The following FOCAD variants were observed in gnomAD, a reference collection of about 807,000 sequenced individuals.
The protein encoded by FOCAD is KIAA1797.
In FOCAD, 198 loss-of-function variants were observed where a neutral mutation model predicts 225.6. The ratio of observed to expected loss-of-function variants is 0.88; its 90% CI spans 0.78 to 0.99. FOCAD has a LOEUF of 0.99. FOCAD is among the 50% of genes least tolerant of loss of function. FOCAD has a pLI of 0.00. For missense variants in FOCAD, 2,713 were observed against 2,123.6 expected, an observed-to-expected ratio of 1.28 and a Z score of -5.46; for synonymous variants, 897 against 755.0, an observed-to-expected ratio of 1.19 and a Z score of -3.08.
intron 28 of FOCAD, among the ~76,000 whole-genome samples, chr9:20,937,932 C>T (rs530706068): frequency 2.9e-4 from 44 of 152,272 alleles, no homozygotes; most frequent in African/African-American, 1.0e-3. Flanking sequence ...TATGAACAGA[C>T]ACTTCTCAAA....
At position 20,988,417 on chromosome 9, in the gene FOCAD, G is replaced by T. The variant is rs765979914; in HGVS notation, c.4992G>T (p.Thr1664=). 1 of 1,594,114 alleles carries T rather than the reference G, an allele frequency of 6.3e-7. No homozygotes were observed. Among genetic ancestry groups the T allele is most frequent in the Non-Finnish European group, 8.6e-7 (1 of 1,163,850 alleles). ...ACCAGTCAACATCCTTTCACAATAC[G>T]GCTCTTGACAAGGTAAAATCTAGAG... ...VAYQSTSFHN[T]ALDKALDFFL... is the part of the protein sequence containing the mutation. Residue 1664 remains threonine, a synonymous_variant, in exon 41 of 44, where the codon ACG becomes ACT. Transcript: ENST00000338382.
At chr9:20,776,924 C>G (rs997934033) in intron 8 of FOCAD, among the ~76,000 whole-genome samples, 1 of 152,070 alleles carries the variant, frequency 6.6e-6, no homozygotes, top group African/African-American at 2.4e-5. Flanking sequence ...ATAGTATATA[C>G]TGTAAGTGTG....
chr9:20,906,601 A>C (rs928946656), intron 21 of FOCAD, among the ~76,000 whole-genome samples: 7 of 152,016 alleles, frequency 4.6e-5, no homozygotes, highest in Admixed American at 6.6e-5. Flanking sequence ...TTGTTTACCC[A>C]CACTGATTAA....
intron 15 of FOCAD, among the ~76,000 whole-genome samples, chr9:20,843,101 TA>T (rs1202159086): frequency 6.6e-6 from 1 of 152,042 alleles, no homozygotes; most frequent in Non-Finnish European, 1.5e-5. Flanking sequence ...TTGATAGCTT[TA>T]TTTTTTAGTT....
chr9:20,762,446 A>C (rs1222623210), intron 6 of FOCAD, among the ~76,000 whole-genome samples: 1 of 152,146 alleles, frequency 6.6e-6, no homozygotes. Context: ...AACTTAATCT[A>C]TTTTTATTTC....
rs551677621 is a variant in FOCAD at position 20,781,177 on chromosome 9, A to T, written c.995-550A>T. On this transcript the variant is annotated intron_variant, in intron 9 of 43. Transcript: ENST00000338382. ...TATAACTGTATGTATCTGGTGTGTA[A>T]GTTGTTTCCATGTTAAAGAACCATT... 5.9e-5 allele frequency among the ~76,000 whole-genome samples: 9 copies of T among 152,304 alleles called. No individual in the cohort carries two copies. In the South Asian group the frequency reaches 1.9e-3, roughly 32 times the overall value.
chr9:20,820,436 A>T lies in FOCAD; in HGVS notation c.1662+11A>T, dbSNP rs887964617. The T allele has an allele frequency of 1.2e-6, 2 of 1,601,526 alleles. No individual in the cohort carries two copies. Among genetic ancestry groups the T allele is most frequent in the Non-Finnish European group, 1.7e-6 (2 of 1,169,394 alleles). ...TTGTGGGAAAAGCAGGTAATTTCAG[A>T]TATACACTTGCATGAGTATTAAATA... On this transcript the variant is annotated intron_variant, in intron 13 of 43. Transcript: ENST00000338382.
chr9:20,705,803 A>G (rs773930702), intron 1 of FOCAD, among the ~76,000 whole-genome samples: 7 of 151,964 alleles, frequency 4.6e-5, no homozygotes, highest in Non-Finnish European at 7.4e-5. Context: ...TAGATTTTAA[A>G]AAATAACTAT....
chr9:20,868,070 G>A (rs1179789067), intron 18 of FOCAD, among the ~76,000 whole-genome samples: 1 of 152,046 alleles, frequency 6.6e-6, no homozygotes, highest in Non-Finnish European at 1.5e-5. Context: ...ATCACAAATG[G>A]GAAAACTTAG....
At chr9:20,850,841 T>A (rs1314681850) in intron 15 of FOCAD, among the ~76,000 whole-genome samples, 1 of 148,862 alleles carries the variant, frequency 6.7e-6, no homozygotes, top group East Asian at 2.0e-4. Context: ...TCCCCCTCTA[T>A]ATCTAGTATG....
At position 20,866,917 on chromosome 9, in the gene FOCAD, T is replaced by TTTAAAAAAAAA; in HGVS notation, c.2107-12_2107-11insTTAAAAAAAAA. The stretch of plus-strand genomic sequence containing the variant: ...TTTTTTTTTTTTTTTTTTTTTTTTT[T>TTTAAAAAAAAA]ACCCTATCTAGGACCCAATTGTAGC... On this transcript the variant is annotated splice_polypyrimidine_tract_variant and intron_variant, in intron 17 of 43. Transcript: ENST00000338382. 3.9e-6 allele frequency: 3 copies of TTTAAAAAAAAA among 764,966 alleles called. No homozygotes were observed. The highest frequency in any genetic ancestry group is 6.0e-6 in the Non-Finnish European group (3 of 498,462). The allele number at this position is 764,966 out of a possible 1,614,324, so 47.4% of individuals were successfully genotyped here.
chr9:20,766,462 A>G (rs1830059872), intron 7 of FOCAD, among the ~76,000 whole-genome samples: 1 of 152,160 alleles, frequency 6.6e-6, no homozygotes, highest in African/African-American at 2.4e-5. Flanking sequence ...TATTTTAGTG[A>G]TAGAGGAAGC....
chr9:20,817,087 A>G (rs1025927721), intron 11 of FOCAD, among the ~76,000 whole-genome samples: 2 of 152,140 alleles, frequency 1.3e-5, no homozygotes, highest in African/African-American at 4.8e-5. Context: ...TAAACTTTTG[A>G]AATATAGCAT....
chr9:20,909,852 G>T (rs796803494), intron 22 of FOCAD, among the ~76,000 whole-genome samples: 8 of 152,008 alleles, frequency 5.3e-5, no homozygotes, highest in African/African-American at 1.9e-4. Context: ...CAAGAATTTC[G>T]GTCCTAGAAG....
chr9:20,948,956 A>G (rs748844074), intron 32 of FOCAD, 28 bp downstream of exon 32: 1 of 1,595,996 alleles, frequency 6.3e-7, no homozygotes, highest in South Asian at 1.1e-5. Flanking sequence ...GGAGGGGAAG[A>G]CATCTAAATA....
intron 7 of FOCAD, among the ~76,000 whole-genome samples, chr9:20,766,575 T>C (rs1274666436): frequency 6.6e-6 from 1 of 152,030 alleles, no homozygotes; most frequent in Non-Finnish European, 1.5e-5. Context: ...TGAAATAAGC[T>C]TTTAAAAAAA....
intron 15 of FOCAD, among the ~76,000 whole-genome samples, chr9:20,837,323 C>T (rs1272533798): frequency 1.3e-5 from 2 of 151,934 alleles, no homozygotes; most frequent in Non-Finnish European, 2.9e-5. Context: ...AGTCACAAAC[C>T]GAGGGCATTC....
chr9:20,803,949 A>G (rs1822123245), intron 11 of FOCAD, among the ~76,000 whole-genome samples: 1 of 152,136 alleles, frequency 6.6e-6, no homozygotes, highest in South Asian at 2.1e-4. Flanking sequence ...GCCCTTTGCC[A>G]CAGAGATTCT....
At chr9:20,706,166 C>T (rs1166494918) in intron 1 of FOCAD, among the ~76,000 whole-genome samples, 1 of 152,110 alleles carries the variant, frequency 6.6e-6, no homozygotes, top group East Asian at 1.9e-4. Context: ...AACTCTTGGG[C>T]TCAAGTGATC....
Sources: gnomAD v4.1 joint callset for allele counts (sites outside exome capture counted in the v4.1 genomes callset) on GRCh38, gnomAD v4.1.1 for gene constraint, MANE v1.5 for transcripts, NCBI Gene and HGNC (gene_info 2026-07-23, HGNC 2026-07-21) for gene names.